Variants in EIF3H observed in about 807,000 individuals in gnomAD.
EIF3H encodes eukaryotic translation initiation factor 3 subunit H, also known as eIF-3-gamma.
Under a neutral mutation model 44.2 loss-of-function variants are expected in EIF3H, and 26 were observed. That is an observed-to-expected ratio of 0.59 (90% CI 0.43 to 0.82). The LOEUF (loss-of-function observed/expected upper bound fraction) is 0.82, where lower values mean the gene tolerates loss of function less well. Ranked by LOEUF, EIF3H falls within the 40% of genes least tolerant of loss-of-function variation. EIF3H has a pLI of 0.00. For synonymous variants in EIF3H, 166 were observed against 151.9 expected (o/e 1.09, Z -0.68); for missense variants, 359 against 432.8 (o/e 0.83, Z 1.51).
intron 5 of EIF3H, among the ~76,000 whole-genome samples, chr8:116,652,170 G>C (rs1230009101): frequency 6.6e-6 from 1 of 152,146 alleles, no homozygotes; most frequent in Non-Finnish European, 1.5e-5. Flanking sequence ...AGTTTCACAG[G>C]CTCCTAGGAA....
At chr8:116,707,842 T>A (rs1814496651) in intron 2 of EIF3H, among the ~76,000 whole-genome samples, 1 of 152,160 alleles carries the variant, frequency 6.6e-6, no homozygotes, top group South Asian at 2.1e-4. Flanking sequence ...CTGACCCTAT[T>A]ATTATTCAGA....
intron 2 of EIF3H, among the ~76,000 whole-genome samples, chr8:116,706,519 C>CTTTATTTATTTA (rs887973283): frequency 6.6e-6 from 1 of 151,974 alleles, no homozygotes; most frequent in African/African-American, 2.4e-5. Flanking sequence ...ATATTTAACA[C>CTTTATTTATTTA]TTTATTTATT....
chr8:116,755,579 G>T (rs1288471601), intron 1 of EIF3H, 87 bp downstream of exon 1: 1 of 1,574,360 alleles, frequency 6.4e-7, no homozygotes. Flanking sequence ...CAAGCCCAAG[G>T]GGGAGAATGC....
At chr8:116,669,122 T>C (rs1344367111) in intron 2 of EIF3H, among the ~76,000 whole-genome samples, 1 of 151,988 alleles carries the variant, frequency 6.6e-6, no homozygotes, top group Non-Finnish European at 1.5e-5. Context: ...TATGTACAAA[T>C]AGGAATATGA....
chr8:116,713,208 A>G (rs1226512934), intron 2 of EIF3H, among the ~76,000 whole-genome samples: 2 of 152,168 alleles, frequency 1.3e-5, no homozygotes, highest in Non-Finnish European at 2.9e-5. Flanking sequence ...AATTTTAAAT[A>G]CTATTTAAGC....
chr8:116,723,988 C>CAA (rs1316220663), intron 2 of EIF3H, among the ~76,000 whole-genome samples: 15 of 152,124 alleles, frequency 9.9e-5, no homozygotes, highest in African/African-American at 3.4e-4. Flanking sequence ...TATGGAATCT[C>CAA]AAAGGACCCT....
intron 2 of EIF3H, among the ~76,000 whole-genome samples, chr8:116,673,212 C>CAAAA (rs1813786668): frequency 6.6e-6 from 1 of 152,060 alleles, no homozygotes; most frequent in African/African-American, 2.4e-5. Context: ...GCAAAAGCAG[C>CAAAA]AAGCATTTGG....
At chr8:116,730,242 T>C (rs1292095842) in intron 1 of EIF3H, among the ~76,000 whole-genome samples, 1 of 152,208 alleles carries the variant, frequency 6.6e-6, no homozygotes, top group Admixed American at 6.5e-5. Context: ...TGTGGCCTGA[T>C]AGCAACCTGG....
chr8:116,667,337 A>C (rs1239949865), intron 2 of EIF3H, among the ~76,000 whole-genome samples: 1 of 152,198 alleles, frequency 6.6e-6, no homozygotes, highest in Non-Finnish European at 1.5e-5. Context: ...TATTTTAAGA[A>C]GACATTTCTG....
In EIF3H at chr8:116,741,775, T is replaced by A. The variant is rs761616335; in HGVS notation, c.132+13891A>T. Among the ~76,000 whole-genome samples, 5 of 152,374 alleles carry A rather than the reference T, an allele frequency of 3.3e-5. No individual in the cohort carries two copies. In the East Asian group the frequency reaches 5.8e-4, roughly 18 times the overall value. On this transcript the variant is annotated intron_variant, in intron 1 of 7. Transcript: ENST00000521861. The stretch of plus-strand genomic sequence containing the variant: ...CCTTTAGCATATTCTGCAAAGTCAG[T>A]ATCTAGACTTTCATTTAATTCTGTA...
intron 1 of EIF3H, among the ~76,000 whole-genome samples, chr8:116,742,081 A>G (rs1357918017): frequency 6.6e-6 from 1 of 152,018 alleles, no homozygotes; most frequent in African/African-American, 2.4e-5. Context: ...AGTAACTTCA[A>G]TAGGAAAAAA....
intron 7 of EIF3H, 74 bp from the exon 8 acceptor site, chr8:116,645,177 GA>G: frequency 1.7e-6 from 2 of 1,155,884 alleles, no homozygotes; most frequent in Non-Finnish European, 2.6e-6. Flanking sequence ...TAGTCAAACA[GA>G]AAAATCAGCA....
At chr8:116,745,824 G>A (rs1337643377) in intron 1 of EIF3H, among the ~76,000 whole-genome samples, 1 of 151,968 alleles carries the variant, frequency 6.6e-6, no homozygotes, top group Admixed American at 6.6e-5. Flanking sequence ...GAGGCTGAGG[G>A]GCACGAGAAT....
rs148719918 is a variant in EIF3H, at chr8:116,745,376, T to G, written c.132+10290A>C. ...GCCATTCACTATCTTCATATCAAAC[T>G]AAGGCCTAGAGATCATAACTGATTT... On this transcript the variant is annotated intron_variant, in intron 1 of 7. Transcript: ENST00000521861. Among the ~76,000 whole-genome samples, 924 of 152,316 alleles carry G rather than the reference T, an allele frequency of 6.1e-3. 7 individuals are homozygous for G. Among genetic ancestry groups the G allele is most frequent in the African/African-American group, 0.02 (850 of 41,574 alleles).
intron 2 of EIF3H, among the ~76,000 whole-genome samples, chr8:116,665,564 A>G (rs891537490): frequency 5.9e-5 from 9 of 152,178 alleles, no homozygotes; most frequent in Admixed American, 5.2e-4. Context: ...AAACCCCACA[A>G]TTTCCCAGAA....
intron 1 of EIF3H, among the ~76,000 whole-genome samples, chr8:116,754,241 G>C (rs1815405054): frequency 6.6e-6 from 1 of 152,080 alleles, no homozygotes; most frequent in Non-Finnish European, 1.5e-5. Context: ...AGCCTCCTGA[G>C]TAGCTGAGAT....
intron 2 of EIF3H, among the ~76,000 whole-genome samples, chr8:116,660,887 T>C (rs926376826): frequency 6.6e-6 from 1 of 152,196 alleles, no homozygotes; most frequent in Non-Finnish European, 1.5e-5. Flanking sequence ...TGCTATACTC[T>C]AAACCACCAT....
At chr8:116,696,915 A>G in intron 2 of EIF3H, 1 of 323,936 alleles carries the variant, frequency 3.1e-6, no homozygotes, top group Non-Finnish European at 6.1e-6. Context: ...TTTGTAAAAG[A>G]AAACACAAAA....
At chr8:116,651,384 G>C (rs1344451164) in intron 5 of EIF3H, among the ~76,000 whole-genome samples, 2 of 152,158 alleles carry the variant, frequency 1.3e-5, no homozygotes, top group Non-Finnish European at 2.9e-5. Context: ...AGAAGGGAAA[G>C]ACTGAGAAGG....
Sources: gnomAD v4.1 joint callset for allele counts (sites outside exome capture counted in the v4.1 genomes callset) on GRCh38, gnomAD v4.1.1 for gene constraint, MANE v1.5 for transcripts, NCBI Gene and HGNC (gene_info 2026-07-23, HGNC 2026-07-21) for gene names.